Variants in NPAS2 observed in about 807,000 individuals in gnomAD.
NPAS2 encodes the protein neuronal PAS domain protein 2, also known as neuronal PAS domain-containing protein 2.
In NPAS2, 23 loss-of-function variants were observed where a neutral mutation model predicts 107.5. The observed-to-expected ratio is 0.21, with a 90% CI of 0.15 to 0.30. The LOEUF is 0.30. Among genes scored for constraint, NPAS2 ranks in the 10% least tolerant of loss-of-function variants. The pLI, the probability that NPAS2 is intolerant of heterozygous loss-of-function variation, is 1.00. For synonymous variants in NPAS2, 403 were observed against 417.5 expected (o/e 0.97, Z 0.42); for missense variants, 756 against 1,043.3 (o/e 0.72, Z 3.79).
chr2:100,985,978 A>G (rs1475120095), intron 16 of NPAS2: 2 of 152,244 alleles, frequency 1.3e-5, no homozygotes, highest in African/African-American at 4.8e-5. Context: ...AGAAAAACGC[A>G]TGGTAATTGG....
intron 1 of NPAS2, among the ~76,000 whole-genome samples, chr2:100,840,125 C>A (rs892008152): frequency 6.6e-6 from 1 of 152,168 alleles, no homozygotes; most frequent in African/African-American, 2.4e-5. Flanking sequence ...AACACCCTTC[C>A]TTCCGTCGTT....
At chr2:100,972,147 C>G (rs1267633363) in intron 12 of NPAS2, among the ~76,000 whole-genome samples, 1 of 151,982 alleles carries the variant, frequency 6.6e-6, no homozygotes, top group Non-Finnish European at 1.5e-5. Flanking sequence ...AGGGTTTCAC[C>G]ATGTTGGCCA....
chr2:100,953,665 T>G (rs1397705601), intron 7 of NPAS2, among the ~76,000 whole-genome samples: 1 of 152,134 alleles, frequency 6.6e-6, no homozygotes, highest in Non-Finnish European at 1.5e-5. Context: ...GTAGAAGGGT[T>G]GCATCTATGA....
At chr2:100,872,217 C>T (rs1249971500) in intron 1 of NPAS2, among the ~76,000 whole-genome samples, 2 of 152,154 alleles carry the variant, frequency 1.3e-5, no homozygotes, top group Non-Finnish European at 2.9e-5. Context: ...GCCTTGTGGT[C>T]AGAAGTGTGC....
At chr2:100,977,541 C>T (rs545155418) in intron 14 of NPAS2, among the ~76,000 whole-genome samples, 169 bp from the exon 15 acceptor site, 8 of 152,280 alleles carry the variant, frequency 5.3e-5, no homozygotes, top group South Asian at 4.1e-4. Context: ...TTGTGCCCTG[C>T]GTAGGAAGCA....
At chr2:100,878,711 A>G (rs1170575106) in intron 1 of NPAS2, 1 of 570,886 alleles carries the variant, frequency 1.8e-6, no homozygotes, top group Non-Finnish European at 2.2e-6. Flanking sequence ...CTGATACCCA[A>G]CTATAAGGGA....
chr2:100,964,832 CT>C (rs34961878), intron 8 of NPAS2, 28 bp from the exon 9 acceptor site: 58,937 of 1,138,084 alleles, frequency 0.052, 8 homozygotes, highest in Non-Finnish European at 0.058. Context: ...ACCCAAGCAA[CT>C]TTTTTTTTTT....
chr2:100,903,609 G>T (rs1009800675), intron 1 of NPAS2, among the ~76,000 whole-genome samples: 3 of 152,194 alleles, frequency 2.0e-5, no homozygotes, highest in East Asian at 3.9e-4. Context: ...CGAAGTGCTG[G>T]TTTGGGAGTT....
At chr2:100,850,977 AAAAGG>A (rs1228065726) in intron 1 of NPAS2, among the ~76,000 whole-genome samples, 18 of 150,684 alleles carry the variant, frequency 1.2e-4, no homozygotes, top group African/African-American at 4.4e-4. Context: ...AAAAAAAAAA[AAAAGG>A]AAGGACATTC....
chr2:100,965,588 AGGCATGGCCACCAG>A lies in NPAS2; in HGVS notation c.801-69_801-56del, dbSNP rs1464677915. 3 of 881,508 alleles carry A rather than the reference AGGCATGGCCACCAG, an allele frequency of 3.4e-6. No homozygotes were observed. In the East Asian group the frequency reaches 7.7e-5, roughly 23 times the overall value. 54.6% of individuals were successfully genotyped at this position (881,508 alleles called of 1,614,324 possible). On this transcript the variant is annotated intron_variant, in intron 9 of 20. Transcript: ENST00000335681. This position sits in a 1 kb window ranked among gnomAD's most constrained non-coding sequence, Gnocchi z 4.3. ...GGCCTCCATGTTGATCATTATGGAA[AGGCATGGCCACCAG>A]GGTGAGCCCTGCAGGGTGTCTCCTC...
At chr2:100,986,817 C>T (rs2105303319) in intron 16 of NPAS2, 1 of 152,288 alleles carries the variant, frequency 6.6e-6, no homozygotes, top group East Asian at 1.9e-4. Flanking sequence ...ACATTATCTA[C>T]CAAAACTATT....
At chr2:100,954,878 T>G (rs550377484) in intron 7 of NPAS2, among the ~76,000 whole-genome samples, 56 of 73,496 alleles carry the variant, frequency 7.6e-4, no homozygotes, top group South Asian at 2.1e-3. Flanking sequence ...GTTTTTTTTG[T>G]TTTTTTTTGG....
At chr2:100,937,448 A>ATAAT (rs1213848980) in intron 4 of NPAS2, among the ~76,000 whole-genome samples, 50 of 152,212 alleles carry the variant, frequency 3.3e-4, no homozygotes, top group African/African-American at 1.2e-3. Context: ...AATCAGGCTA[A>ATAAT]TAATATGCTT....
At chr2:100,975,682 A>G in intron 14 of NPAS2, 115 bp downstream of exon 14, 1 of 694,416 alleles carries the variant, frequency 1.4e-6, no homozygotes, top group Admixed American at 3.5e-5. Context: ...AGGGATTGAG[A>G]GTGTAGGGTG....
intron 1 of NPAS2, among the ~76,000 whole-genome samples, chr2:100,838,952 A>G (rs988144779): frequency 1.3e-5 from 2 of 152,128 alleles, no homozygotes; most frequent in Non-Finnish European, 2.9e-5. Flanking sequence ...AATCACTTAT[A>G]TGCAGCTTTA....
chr2:100,870,402 C>A lies in NPAS2; in HGVS notation c.-22-34331C>A, dbSNP rs79947476. On this transcript the variant is annotated intron_variant, in intron 1 of 20. Coordinates refer to ENST00000335681, the MANE Select transcript of NPAS2 (RefSeq NM_002518.4). ...TTCTCTGCTTAGTTCTCACCCCACC[C>A]CTCATTTTTTTGAGACAGGGTCTTG... 3.8e-3 allele frequency among the ~76,000 whole-genome samples: 576 copies of A among 151,766 alleles called. 3 individuals carry two copies. The highest frequency in any genetic ancestry group is 0.013 in the African/African-American group (547 of 41,394).
intron 1 of NPAS2, among the ~76,000 whole-genome samples, chr2:100,898,881 C>T (rs1216286397): frequency 2.6e-5 from 4 of 151,906 alleles, no homozygotes; most frequent in Non-Finnish European, 1.5e-5. Flanking sequence ...GTGAGTTTAT[C>T]GCCACTTCAG....
At chr2:100,924,027 T>A (rs1371443936) in intron 2 of NPAS2, among the ~76,000 whole-genome samples, 1 of 152,176 alleles carries the variant, frequency 6.6e-6, no homozygotes, top group Non-Finnish European at 1.5e-5. Context: ...CCAAGCAGCT[T>A]CCCTTTGATC....
chr2:100,825,721 C>T (rs1364835461), intron 1 of NPAS2, among the ~76,000 whole-genome samples: 1 of 152,164 alleles, frequency 6.6e-6, no homozygotes, highest in Non-Finnish European at 1.5e-5. Flanking sequence ...GAGGGTGGGC[C>T]ACTGGGAGGC....
Sources: gnomAD v4.1 joint callset for allele counts (sites outside exome capture counted in the v4.1 genomes callset) on GRCh38, gnomAD v4.1.1 for gene constraint, Gnocchi (gnomAD v3.1) non-coding constraint, MANE v1.5 for transcripts, NCBI Gene and HGNC (gene_info 2026-07-23, HGNC 2026-07-21) for gene names.